NCAN: variants seen among roughly 807,000 people sequenced by gnomAD.
NCAN encodes neurocan, also known as neurocan core protein.
A neutral mutation model predicts 121.8 loss-of-function variants in NCAN; 47 were observed. The observed-to-expected ratio is 0.39, with a 90% CI of 0.31 to 0.49. NCAN has a LOEUF of 0.49. NCAN is among the 20% of genes least tolerant of loss of function. The pLI is 0.92. For missense variants in NCAN, 1,517 were observed against 1,773.4 expected (o/e 0.86, Z 2.60); for synonymous variants, 633 against 702.0 (o/e 0.90, Z 1.55).
Position 19,227,618 on chromosome 19 carries a change from G to A in NCAN, c.1998G>A (p.Thr666=), listed in dbSNP as rs771376825. The change falls in exon 8 of 15, where the codon ACG becomes ACA. Residue 666 remains threonine (T), a synonymous_variant. Transcript: ENST00000252575. The surrounding 1 kb of genome is among the most constrained non-coding windows in gnomAD (Gnocchi z 4.2). The stretch of plus-strand genomic sequence containing the variant: ...AGGCACATGGTGAGGCCACCGCCAC[G>A]GCTCCACCCTCCCCTGCTGCAGAGA... The part of the protein sequence containing the change: ...RVEAHGEATA[T]APPSPAAETK... 1.1e-5 allele frequency: 17 copies of A among 1,613,638 alleles called. No homozygotes were observed. The highest frequency in any genetic ancestry group is 2.7e-5 in the African/African-American group (2 of 74,868).
chr19:19,234,384 T>C (rs770022327), intron 9 of NCAN, among the ~76,000 whole-genome samples: 2 of 152,238 alleles, frequency 1.3e-5, no homozygotes, highest in Non-Finnish European at 2.9e-5. Context: ...ACCACATGAC[T>C]GATTACAGAA....
chr19:19,244,603 C>T (rs909745577), intron 12 of NCAN, among the ~76,000 whole-genome samples: 3 of 151,950 alleles, frequency 2.0e-5, no homozygotes, highest in African/African-American at 7.3e-5. Flanking sequence ...GCCACTGAGC[C>T]CGGCCTTGAA....
In NCAN at chr19:19,225,043, G is replaced by A. The variant is rs746894194; in HGVS notation, c.845G>A (p.Arg282His). The change falls in exon 6 of 15, where the codon CGC becomes CAC. Residue 282 changes from arginine (R) to histidine (H), a missense_variant. By Grantham distance (29) the Arg-to-His change is conservative. Transcript: ENST00000252575. The surrounding 1 kb of genome is among the most constrained non-coding windows in gnomAD (Gnocchi z 4.0). ...TLAGARAQCR[R>H]QGAALASVGQ... The stretch of plus-strand genomic sequence containing the variant: ...GCCGGCGCGCGTGCACAGTGCCGCC[G>A]CCAGGGTGCCGCGCTGGCCTCGGTG... 4 of 1,504,654 alleles carry A rather than the reference G, an allele frequency of 2.7e-6. No individual in the cohort carries two copies. Among genetic ancestry groups the A allele is most frequent in the Admixed American group, 2.1e-5 (1 of 47,014 alleles). The allele number at this position is 1,504,654 out of a possible 1,614,324, so 93.2% of individuals were successfully genotyped here. A position where few individuals can be genotyped will look rare whatever the true frequency, so the allele number is the denominator to read the frequency against.
Position 19,219,094 on chromosome 19 carries a change from T to C in NCAN, c.253T>C (p.Ser85Pro). 1 of 1,612,580 alleles carries C rather than the reference T, an allele frequency of 6.2e-7. No individual in the cohort carries two copies. Among genetic ancestry groups the C allele is most frequent in the Middle Eastern group, 1.7e-4 (1 of 6,058 alleles). Residue 85 changes from serine (S) to proline (P), a missense_variant, in exon 3 of 15, where the codon TCG becomes CCG. Transcript: ENST00000252575. ...RIKWTKVRTASGQRQDLPILV... is the reference protein window; with the variant it reads ...RIKWTKVRTAPGQRQDLPILV... Reference sequence around the variant, plus strand: ...AAAGTGGACCAAGGTGCGGACTGCGTCGGGCCAGCGACAGGACTTGCCCAT... The same window carrying C: ...AAAGTGGACCAAGGTGCGGACTGCGCCGGGCCAGCGACAGGACTTGCCCAT...
chr19:19,217,672 T>C (rs2060800693), intron 2 of NCAN, among the ~76,000 whole-genome samples: 1 of 152,086 alleles, frequency 6.6e-6, no homozygotes, highest in African/African-American at 2.4e-5. Flanking sequence ...GGCACTGGAG[T>C]GAAATCCCTG....
chr19:19,229,705 C>G (rs553538284), intron 8 of NCAN, among the ~76,000 whole-genome samples: 32 of 152,214 alleles, frequency 2.1e-4, no homozygotes, highest in Non-Finnish European at 4.6e-4. Context: ...AGCCTCAGCT[C>G]AGCCTGCAAA....
Position 19,248,842 on chromosome 19 carries a change from C to A in NCAN, c.3780C>A (p.Ser1260Arg). 6.2e-7 allele frequency: 1 copy of A among 1,614,224 alleles called. No homozygotes were observed. The highest frequency in any genetic ancestry group is 2.2e-5 in the East Asian group (1 of 44,882). ...QHHVATIRCR[S>R]NGKWDRPQIV... ...ATGTGGCCACCATTCGATGCCGGAGCAATGGCAAGTGGGACAGGCCCCAAA... is the reference window on the plus strand; with the variant it reads ...ATGTGGCCACCATTCGATGCCGGAGAAATGGCAAGTGGGACAGGCCCCAAA... The change falls in exon 14 of 15, where the codon AGC becomes AGA. Residue 1260 changes from serine to arginine, a missense_variant. Ser to Arg is a moderately radical substitution (Grantham distance 110). Coordinates refer to ENST00000252575, the MANE Select transcript of NCAN (RefSeq NM_004386.3).
rs750720918 is a variant in NCAN at position 19,248,723 on chromosome 19, G to A, written c.3661G>A (p.Val1221Met). 5.0e-6 allele frequency: 8 copies of A among 1,614,208 alleles called. No individual in the cohort carries two copies. The highest frequency in any genetic ancestry group is 5.9e-6 in the Non-Finnish European group (7 of 1,180,022). ...AGTGCTCTGTGGTCCCCCTCCGGCA[G>A]TGGAGAATGCCTCACTCATCGGTGC... is the stretch of plus-strand genomic sequence containing the variant. ...GTVLCGPPPAVENASLIGARK... is the reference protein window; with the variant it reads ...GTVLCGPPPAMENASLIGARK... Residue 1221 changes from valine (V) to methionine (M), a missense_variant, in exon 14 of 15, where the codon GTG (valine) becomes ATG (methionine). Transcript: ENST00000252575.
intron 12 of NCAN, among the ~76,000 whole-genome samples, chr19:19,241,842 T>C (rs11671527): frequency 0.072 from 10,878 of 151,792 alleles, 709 homozygotes; most frequent in African/African-American, 0.17. Context: ...TGCCACTAGA[T>C]GATATATATT....
chr19:19,240,275 TTCTA>T (rs1460397506), intron 11 of NCAN, among the ~76,000 whole-genome samples: 1 of 151,358 alleles, frequency 6.6e-6, no homozygotes, highest in Non-Finnish European at 1.5e-5. Context: ...TAAACTTCAC[TTCTA>T]TCTCCTTCCC....
intron 8 of NCAN, among the ~76,000 whole-genome samples, chr19:19,231,970 A>G (rs1000288272): frequency 4.0e-5 from 6 of 149,200 alleles, no homozygotes; most frequent in African/African-American, 1.5e-4. Context: ...ACAGAGCAAG[A>G]CTCCATCTCA....
At chr19:19,231,091 C>G (rs2060857715) in intron 8 of NCAN, among the ~76,000 whole-genome samples, 1 of 152,058 alleles carries the variant, frequency 6.6e-6, no homozygotes, top group South Asian at 2.1e-4. Context: ...ACCGCCCCAC[C>G]CCGTATCGAT....
At chr19:19,222,883 C>A (rs539787329) in intron 3 of NCAN, among the ~76,000 whole-genome samples, 1 of 151,858 alleles carries the variant, frequency 6.6e-6, no homozygotes, top group Non-Finnish European at 1.5e-5. Context: ...CTGAGGTGGG[C>A]GGATCACGAG....
In NCAN at chr19:19,227,008, T is replaced by C. The variant is rs1046749087; in HGVS notation, c.1595T>C (p.Leu532Ser). Residue 532 changes from leucine (L) to serine (S), a missense_variant, in exon 7 of 15, where the codon TTG becomes TCG. Transcript: ENST00000252575. This position sits in a 1 kb window ranked among gnomAD's most constrained non-coding sequence, Gnocchi z 4.2. Reference protein sequence around the residue: ...PPLAMAVTEMLGSGQSRSPWA... With the variant: ...PPLAMAVTEMSGSGQSRSPWA... The stretch of plus-strand genomic sequence containing the variant: ...TTGGCCATGGCAGTCACAGAGATGT[T>C]GGGCAGTGGCCAGAGCCGGAGCCCC... 4.6e-6 allele frequency: 7 copies of C among 1,527,822 alleles called. No individual in the cohort carries two copies. Among genetic ancestry groups the C allele is most frequent in the Non-Finnish European group, 6.1e-6 (7 of 1,138,718 alleles). The allele number at this position is 1,527,822 out of a possible 1,614,324, so 94.6% of individuals were successfully genotyped here.
rs1271833214 is a variant in NCAN at position 19,228,023 on chromosome 19, C to T, written c.2403C>T (p.Ser801=). Residue 801 remains serine, a synonymous_variant, in exon 8 of 15, where the codon AGC becomes AGT. Coordinates refer to ENST00000252575, the MANE Select transcript of NCAN (RefSeq NM_004386.3). ...GTTCCCCATCTGCCCCCCTGGGGAG[C>T]CCTGGAGTCTTCTTGGTACCCAAAG... The part of the protein sequence containing the change: ...DASSPSAPLG[S]PGVFLVPKVT... 2 of 1,613,398 alleles carry T rather than the reference C, an allele frequency of 1.2e-6. No homozygotes were observed. Among genetic ancestry groups the T allele is most frequent in the Admixed American group, 1.7e-5 (1 of 59,988 alleles).
chr19:19,238,426 G>T lies in NCAN; in HGVS notation c.3409+15G>T. The stretch of plus-strand genomic sequence containing the variant: ...CTTCATTAATAGTAGGGGCTCTGGG[G>T]AGGGGGCCACCTGCCTGGAGGGTGG... On this transcript the variant is annotated intron_variant, in intron 11 of 14. Coordinates refer to ENST00000252575, the MANE Select transcript of NCAN (RefSeq NM_004386.3). The T allele has an allele frequency of 1.2e-6, 2 of 1,613,988 alleles. No individual in the cohort carries two copies. The highest frequency in any genetic ancestry group is 1.7e-6 in the Non-Finnish European group (2 of 1,180,014).
chr19:19,220,692 C>T (rs1390999710), intron 3 of NCAN, among the ~76,000 whole-genome samples: 2 of 152,034 alleles, frequency 1.3e-5, no homozygotes, highest in Non-Finnish European at 2.9e-5. Flanking sequence ...CTCCTGACCT[C>T]GTGATCTGCC....
At position 19,227,961 on chromosome 19, in the gene NCAN, C is replaced by T. The variant is rs748383214; in HGVS notation, c.2341C>T (p.Pro781Ser). 7 of 1,613,376 alleles carry T rather than the reference C, an allele frequency of 4.3e-6. No individual in the cohort carries two copies. In the South Asian group the frequency reaches 6.6e-5, roughly 15 times the overall value. The change falls in exon 8 of 15, where the codon CCC becomes TCC. Residue 781 changes from proline to serine, a missense_variant. Pro to Ser is a moderately conservative substitution (Grantham distance 74). Transcript: ENST00000252575. The surrounding 1 kb of genome is among the most constrained non-coding windows in gnomAD (Gnocchi z 4.2). ...LQATVDEVQD[P>S]WPSVYSKGLD... ...GGCCACTGTAGATGAGGTGCAGGAC[C>T]CCTGGCCCTCAGTGTACAGCAAAGG...
At chr19:19,213,508 G>T (rs1054609266) in intron 1 of NCAN, among the ~76,000 whole-genome samples, 20 of 147,832 alleles carry the variant, frequency 1.4e-4, no homozygotes, top group Admixed American at 4.7e-4. Context: ...GTTTATGTGG[G>T]GGGGGGGGGG....
Sources: allele counts gnomAD v4.1 joint callset (sites outside exome capture counted in the v4.1 genomes callset), GRCh38; gene constraint gnomAD v4.1.1; non-coding constraint Gnocchi (gnomAD v3.1); transcripts MANE v1.5; gene names NCBI Gene and HGNC (gene_info 2026-07-23, HGNC 2026-07-21).